CCDC14: variants seen among roughly 807,000 people sequenced by gnomAD.
CCDC14 encodes the protein coiled-coil domain containing 14, also known as coiled-coil domain-containing protein 14.
In CCDC14, 71 loss-of-function variants were observed where a neutral mutation model predicts 81.4. The observed-to-expected ratio is 0.87, with a 90% confidence interval of 0.72 to 1.06. The LOEUF is 1.06. CCDC14 is among the 50% of genes least tolerant of loss of function. The pLI is 0.00. For missense variants in CCDC14, 1,046 were observed against 1,047.3 expected (o/e 1.00, Z 0.02); for synonymous variants, 332 against 364.8 (o/e 0.91, Z 1.03).
chr3:123,931,281 G>C (rs773599207), intron 11 of CCDC14, 27 bp downstream of exon 11: 1 of 1,577,388 alleles, frequency 6.3e-7, no homozygotes. Context: ...TAAAAGATGT[G>C]ACCATAACTA....
downstream of CCDC14, among the ~76,000 whole-genome samples, chr3:123,910,144 CA>C (rs2034409921): frequency 6.6e-6 from 1 of 151,970 alleles, no homozygotes; most frequent in African/African-American, 2.4e-5. Context: ...TGAAAATGGC[CA>C]CCCATGACTT....
At chr3:123,930,830 A>C (rs1266923300) in intron 12 of CCDC14, 5 of 298,820 alleles carry the variant, frequency 1.7e-5, no homozygotes, top group Non-Finnish European at 3.0e-5. Flanking sequence ...TCAGAACCAG[A>C]GGGCTCAATG....
chr3:123,950,117 G>A (rs2036919912), intron 5 of CCDC14, among the ~76,000 whole-genome samples: 1 of 152,064 alleles, frequency 6.6e-6, no homozygotes, highest in South Asian at 2.1e-4. Context: ...TCCCTAATTA[G>A]GTCCCCTTCC....
intron 12 of CCDC14, among the ~76,000 whole-genome samples, chr3:123,921,429 A>T (rs1293719984): frequency 6.6e-6 from 1 of 152,218 alleles, no homozygotes; most frequent in Admixed American, 6.5e-5. Flanking sequence ...TGTAAAAAGA[A>T]GCAAAGAAGG....
chr3:123,933,819 A>G, intron 9 of CCDC14, 64 bp from the exon 10 acceptor site: 2 of 1,045,828 alleles, frequency 1.9e-6, no homozygotes, highest in East Asian at 2.6e-5. Context: ...TATACATGTG[A>G]TAGCCTATCA....
the CCDC14 span, among the ~76,000 whole-genome samples, chr3:123,888,621 T>C: frequency 6.6e-6 from 1 of 152,210 alleles, no homozygotes; most frequent in Non-Finnish European, 1.5e-5. Flanking sequence ...CTAGGGAGCC[T>C]CAGGAAACTT....
chr3:123,897,632 C>A (rs768189715), intron 5 of CCDC14: 1 of 1,107,450 alleles, frequency 9.0e-7, no homozygotes, highest in Non-Finnish European at 1.2e-6. Context: ...ATAGAAATGA[C>A]AACATAAATA....
At chr3:123,940,114 T>C (rs1577296672) in intron 9 of CCDC14, among the ~76,000 whole-genome samples, 4 of 151,566 alleles carry the variant, frequency 2.6e-5, no homozygotes, top group Admixed American at 1.3e-4. Flanking sequence ...ATGAATTTAG[T>C]AGCAATTAAA....
intron 12 of CCDC14, among the ~76,000 whole-genome samples, chr3:123,924,839 G>A (rs2035263224): frequency 1.3e-5 from 2 of 151,914 alleles, no homozygotes; most frequent in South Asian, 4.2e-4. Context: ...ATGGGAAACA[G>A]TATGGAAGCT....
Position 123,919,865 on chromosome 3 carries a change from A to T in CCDC14, c.1779-4147T>A, listed in dbSNP as rs1257968217. 2.0e-5 allele frequency among the ~76,000 whole-genome samples: 3 copies of T among 152,330 alleles called. No homozygotes were observed. In the East Asian group the frequency reaches 5.8e-4, roughly 29 times the overall value. On this transcript the variant is annotated intron_variant, in intron 12 of 12. Transcript: ENST00000409697. The stretch of plus-strand genomic sequence containing the variant: ...TAGACACCAATGCAAGGATACAAGG[A>T]TTATGAAGAATCAGAAAAATGACAC...
chr3:123,955,114 C>T (rs1473318374), intron 5 of CCDC14: 1 of 152,156 alleles, frequency 6.6e-6, no homozygotes, highest in Non-Finnish European at 1.5e-5. Flanking sequence ...ACTTTCTAAA[C>T]TTCATTCCTT....
downstream of CCDC14, among the ~76,000 whole-genome samples, chr3:123,893,620 T>A (rs899319570): frequency 3.3e-5 from 5 of 149,936 alleles, no homozygotes; most frequent in African/African-American, 1.3e-4. Context: ...CATATGTCTA[T>A]TTTTTTTAAC....
At chr3:123,947,384 A>G in intron 7 of CCDC14, 65 bp from the exon 8 acceptor site, 1 of 1,075,200 alleles carries the variant, frequency 9.3e-7, no homozygotes, top group South Asian at 1.6e-5. Context: ...TAATTACAAC[A>G]AACTCAAATA....
In CCDC14 at chr3:123,915,648, T is replaced by C. The variant is rs1288176119; in HGVS notation, c.1849A>G (p.Asn617Asp). 1.2e-6 allele frequency: 2 copies of C among 1,613,886 alleles called. No homozygotes were observed. The highest frequency in any genetic ancestry group is 1.7e-6 in the Non-Finnish European group (2 of 1,179,896). ...SVDSARCKPG[N>D]NLTKSLLNIH... ...TTCAAGAGTGATTTGGTAAGGTTAT[T>C]CCCAGGCTTGCAGCGAGCACTGTCC... The change falls in exon 13 of 13, where the codon AAT (asparagine) becomes GAT (aspartate). Residue 617 changes from asparagine to aspartate, a missense_variant. Physicochemically the swap from Asn to Asp is conservative, Grantham distance 23. Transcript: ENST00000409697.
chr3:123,929,619 C>A, intron 12 of CCDC14, among the ~76,000 whole-genome samples: 1 of 152,128 alleles, frequency 6.6e-6, no homozygotes, highest in East Asian at 1.9e-4. Flanking sequence ...TTACATACCA[C>A]AAAATCTACT....
At chr3:123,944,712 TGAG>T in intron 9 of CCDC14, 134 bp downstream of exon 9, 1 of 559,466 alleles carries the variant, frequency 1.8e-6, no homozygotes. Context: ...CTCTGAAAAA[TGAG>T]GAAGAAAAGT....
rs545542991 is a variant in CCDC14 at position 123,948,530 on chromosome 3, G to A, written c.684+161C>T. On this transcript the variant is annotated intron_variant, in intron 7 of 12. Coordinates refer to ENST00000409697, the MANE Select transcript of CCDC14 (RefSeq NM_001366335.1). ...GCCGGGATTACAGGCGTTTAGCCAC[G>A]GCGCTCGGCCATAAACATGTAAAAC... Among the ~76,000 whole-genome samples the A allele has an allele frequency of 1.1e-4, 17 of 152,166 alleles. No individual in the cohort carries two copies. The South Asian group carries it at 3.1e-3, about 28-fold the overall frequency.
the CCDC14 span, among the ~76,000 whole-genome samples, chr3:123,890,170 A>G: frequency 2.6e-5 from 4 of 152,090 alleles, 1 homozygote; most frequent in Non-Finnish European, 5.9e-5. Flanking sequence ...CCATGACTCA[A>G]TCATCTCCCA....
At chr3:123,924,587 C>T (rs6771568) in intron 12 of CCDC14, among the ~76,000 whole-genome samples, 16,769 of 151,928 alleles carry the variant, frequency 0.11, 2,069 homozygotes, top group East Asian at 0.42. Flanking sequence ...TGCAACTCAA[C>T]AGCAAAAAAA....
Sources: gnomAD v4.1 joint callset for allele counts (sites outside exome capture counted in the v4.1 genomes callset) on GRCh38, gnomAD v4.1.1 for gene constraint, MANE v1.5 for transcripts, NCBI Gene and HGNC (gene_info 2026-07-23, HGNC 2026-07-21) for gene names.